SV2C: variants seen among roughly 807,000 people sequenced by gnomAD.
The protein encoded by SV2C is solute carrier family 22 member B3.
A neutral mutation model predicts 79.7 loss-of-function variants in SV2C; 49 were observed. The observed-to-expected ratio is 0.61, with a 90% CI of 0.49 to 0.78. SV2C has a LOEUF of 0.78. SV2C is among the 30% of genes least tolerant of loss of function. The pLI is 0.00. For synonymous variants in SV2C, 334 were observed against 333.2 expected, an observed-to-expected ratio of 1.00 and a Z score of -0.03; for missense variants, 833 against 912.9, an observed-to-expected ratio of 0.91 and a Z score of 1.13.
At chr5:76,257,437 A>T (rs537822965) in intron 4 of SV2C, among the ~76,000 whole-genome samples, 1 of 117,698 alleles carries the variant, frequency 8.5e-6, no homozygotes, top group Admixed American at 8.9e-5. Flanking sequence ...GGTAATGTGC[A>T]GTATATGGGT....
chr5:76,095,555 C>G (rs1361165882), intron 1 of SV2C, among the ~76,000 whole-genome samples: 1 of 152,048 alleles, frequency 6.6e-6, no homozygotes, highest in South Asian at 2.1e-4. Flanking sequence ...TTTGACTTCT[C>G]AGGTCAGTCA....
At chr5:75,909,407 A>G in the SV2C span, among the ~76,000 whole-genome samples, 3 of 152,174 alleles carry the variant, frequency 2.0e-5, no homozygotes, top group East Asian at 1.9e-4. Flanking sequence ...GGTTTTCACA[A>G]TCTCTGTGAC....
chr5:76,042,479 T>A, the SV2C span, among the ~76,000 whole-genome samples: 2 of 152,246 alleles, frequency 1.3e-5, no homozygotes, highest in Non-Finnish European at 2.9e-5. Flanking sequence ...CCTTCAAAAC[T>A]ATTTTTAAGG....
intron 2 of SV2C, among the ~76,000 whole-genome samples, chr5:76,150,859 T>C (rs1183589734): frequency 1.3e-5 from 2 of 151,666 alleles, no homozygotes; most frequent in East Asian, 3.9e-4. Context: ...ATGTTGGTCT[T>C]GAACTCCGAG....
Position 76,227,059 on chromosome 5 carries a change from G to A in SV2C, c.913+17172G>A, listed in dbSNP as rs541480953. ...AAAGGAAGGACCTCAGGGGCCTTCC[G>A]GGAGGGATGGAAAGACACCAAACAT... On this transcript the variant is annotated intron_variant, in intron 4 of 12. Coordinates refer to ENST00000502798, the MANE Select transcript of SV2C (RefSeq NM_014979.4). Among the ~76,000 whole-genome samples the A allele has an allele frequency of 2.9e-4, 44 of 152,284 alleles. No individual in the cohort carries two copies. In the South Asian group the frequency reaches 7.9e-3, roughly 27 times the overall value.
At chr5:76,128,795 C>T (rs1031314432) in intron 1 of SV2C, among the ~76,000 whole-genome samples, 6 of 152,126 alleles carry the variant, frequency 3.9e-5, no homozygotes, top group Admixed American at 1.3e-4. Flanking sequence ...ACTCCATAAT[C>T]GATTCGAGAA....
At chr5:76,114,653 T>C (rs1167769475) in intron 1 of SV2C, among the ~76,000 whole-genome samples, 3 of 152,216 alleles carry the variant, frequency 2.0e-5, no homozygotes, top group African/African-American at 4.8e-5. Flanking sequence ...ACATTCTTCT[T>C]TGAGCTTTCT....
chr5:76,338,003 G>A (rs73117717), downstream of SV2C, among the ~76,000 whole-genome samples: 2,457 of 152,322 alleles, frequency 0.016, 75 homozygotes, highest in African/African-American at 0.056. Context: ...GCCAGGGGCA[G>A]CAGCATGCCT....
the SV2C span, among the ~76,000 whole-genome samples, chr5:75,955,949 G>T: frequency 6.6e-6 from 1 of 151,666 alleles, no homozygotes; most frequent in East Asian, 1.9e-4. Flanking sequence ...CTGTTGGTGG[G>T]ACTGTAAACT....
At position 76,295,888 on chromosome 5, in the gene SV2C, T is replaced by C. The variant is rs772784777; in HGVS notation, c.1448T>C (p.Ile483Thr). ...AGAGATAAATATGCAAATTTCACTATTAACTTTACAATGGAAAATCAGATT... is the reference window on the plus strand; with the variant it reads ...AGAGATAAATATGCAAATTTCACTACTAACTTTACAATGGAAAATCAGATT... ...VERDKYANFT[I>T]NFTMENQIHT... The change falls in exon 9 of 13, where the codon ATT (isoleucine) becomes ACT (threonine). Residue 483 changes from isoleucine to threonine, a missense_variant. Transcript: ENST00000502798. The C allele has an allele frequency of 6.2e-7, 1 of 1,613,034 alleles. No homozygotes were observed. The highest frequency in any genetic ancestry group is 1.1e-5 in the South Asian group (1 of 90,910).
At chr5:75,912,199 C>T in the SV2C span, among the ~76,000 whole-genome samples, 2 of 152,164 alleles carry the variant, frequency 1.3e-5, no homozygotes, top group Non-Finnish European at 2.9e-5. Flanking sequence ...AGACACTTGT[C>T]TATACAGAAA....
the SV2C span, among the ~76,000 whole-genome samples, chr5:75,898,636 A>T: frequency 6.6e-6 from 1 of 152,174 alleles, no homozygotes. Context: ...TAGTTTCAGA[A>T]GGAATGGTAC....
chr5:76,096,495 G>A (rs1747565191), intron 1 of SV2C, among the ~76,000 whole-genome samples: 1 of 152,118 alleles, frequency 6.6e-6, no homozygotes, highest in South Asian at 2.1e-4. Flanking sequence ...ACTGAGCATG[G>A]CTGGGGTTTT....
At chr5:76,012,418 T>G in the SV2C span, among the ~76,000 whole-genome samples, 1 of 152,230 alleles carries the variant, frequency 6.6e-6, no homozygotes, top group Non-Finnish European at 1.5e-5. Context: ...TTTTGAGAAG[T>G]GGCTGTTCAT....
At chr5:76,032,720 G>C in the SV2C span, among the ~76,000 whole-genome samples, 1 of 152,192 alleles carries the variant, frequency 6.6e-6, no homozygotes, top group Non-Finnish European at 1.5e-5. Flanking sequence ...GTGTGCATGT[G>C]TCTTTAGAGC....
At chr5:76,283,687 A>G (rs1747262735) in intron 4 of SV2C, among the ~76,000 whole-genome samples, 1 of 152,220 alleles carries the variant, frequency 6.6e-6, no homozygotes, top group South Asian at 2.1e-4. Context: ...TAATATGGTA[A>G]TATACACTAT....
chr5:76,074,992 A>G, the SV2C span, among the ~76,000 whole-genome samples: 1 of 152,164 alleles, frequency 6.6e-6, no homozygotes, highest in East Asian at 1.9e-4. Context: ...GGATGCTTTC[A>G]GCTGTGAGCA....
chr5:76,014,687 C>CA, the SV2C span, among the ~76,000 whole-genome samples: 5 of 151,904 alleles, frequency 3.3e-5, no homozygotes, highest in African/African-American at 1.2e-4. Flanking sequence ...CACACACACA[C>CA]CCCCTAACAT....
chr5:75,900,573 T>A, the SV2C span, among the ~76,000 whole-genome samples: 1 of 152,192 alleles, frequency 6.6e-6, no homozygotes, highest in African/African-American at 2.4e-5. Context: ...AGTATCTTTG[T>A]GGCATTCTCT....
Sources: gnomAD v4.1 joint callset for allele counts (sites outside exome capture counted in the v4.1 genomes callset) on GRCh38, gnomAD v4.1.1 for gene constraint, MANE v1.5 for transcripts, NCBI Gene and HGNC (gene_info 2026-07-23, HGNC 2026-07-21) for gene names.